The following KIF16B variants were observed in gnomAD, a reference collection of about 807,000 sequenced individuals.
The protein encoded by KIF16B is kinesin-like protein KIF16B.
Under a neutral mutation model 156.3 loss-of-function variants are expected in KIF16B, and 98 were observed. The observed-to-expected ratio is 0.63, with a 90% confidence interval of 0.53 to 0.74. KIF16B has a LOEUF of 0.74. Ranked by LOEUF, KIF16B falls within the 30% of genes least tolerant of loss-of-function variation. The probability of loss-of-function intolerance (pLI) is 0.00; values close to 1 mark genes in which losing one functional copy is unlikely to be tolerated. For missense variants in KIF16B, 1,421 were observed against 1,606.5 expected (o/e 0.88, Z 1.97); for synonymous variants, 564 against 583.7 (o/e 0.97, Z 0.49).
intron 12 of KIF16B, among the ~76,000 whole-genome samples, chr20:16,448,240 G>A (rs1382915713): frequency 6.6e-6 from 1 of 152,184 alleles, no homozygotes; most frequent in East Asian, 1.9e-4. Context: ...AACGGGAAGG[G>A]GCGGAAAGAA....
intron 22 of KIF16B, among the ~76,000 whole-genome samples, chr20:16,370,216 T>C (rs1254417750): frequency 1.3e-5 from 2 of 152,210 alleles, no homozygotes; most frequent in Non-Finnish European, 2.9e-5. Flanking sequence ...ATTTCCTTTA[T>C]ACTACTACCA....
chr20:16,287,262 C>T (rs997921326), intron 25 of KIF16B, among the ~76,000 whole-genome samples: 1 of 152,230 alleles, frequency 6.6e-6, no homozygotes, highest in Non-Finnish European at 1.5e-5. Flanking sequence ...AATTCTACTT[C>T]ATGCCAATCT....
At chr20:16,552,383 C>T (rs1040590038) in intron 1 of KIF16B, among the ~76,000 whole-genome samples, 1 of 152,226 alleles carries the variant, frequency 6.6e-6, no homozygotes, top group African/African-American at 2.4e-5. Context: ...CCAGCATATG[C>T]AATATTAACA....
At chr20:16,350,344 G>A (rs867623174) in intron 23 of KIF16B, among the ~76,000 whole-genome samples, 5 of 152,202 alleles carry the variant, frequency 3.3e-5, no homozygotes, top group Non-Finnish European at 4.4e-5. Context: ...TGGGACACGT[G>A]CTTCTAAGAG....
intron 22 of KIF16B, chr20:16,369,305 G>A (rs1343307397): frequency 2.0e-6 from 2 of 985,186 alleles, no homozygotes; most frequent in Non-Finnish European, 2.4e-6. Context: ...TGGGGATGTG[G>A]TATCTCTTTC....
At chr20:16,490,465 T>C (rs2068255156) in intron 12 of KIF16B, among the ~76,000 whole-genome samples, 1 of 152,058 alleles carries the variant, frequency 6.6e-6, no homozygotes, top group African/African-American at 2.4e-5. Flanking sequence ...CGCTTGAAAC[T>C]GGGAGGTAGA....
intron 2 of KIF16B, among the ~76,000 whole-genome samples, chr20:16,526,896 TTA>T (rs1456871898): frequency 6.6e-6 from 1 of 152,180 alleles, no homozygotes; most frequent in African/African-American, 2.4e-5. Context: ...AAAAAAATTG[TTA>T]TGATTCTTAT....
chr20:16,484,499 G>A (rs910842465), intron 12 of KIF16B, among the ~76,000 whole-genome samples: 1 of 152,198 alleles, frequency 6.6e-6, no homozygotes. Context: ...CAGTTTGACA[G>A]AAATTAGCAG....
intron 24 of KIF16B, among the ~76,000 whole-genome samples, chr20:16,325,317 A>G (rs566952318): frequency 6.6e-6 from 1 of 152,134 alleles, no homozygotes; most frequent in South Asian, 2.1e-4. Flanking sequence ...CAATCAGACA[A>G]GAGAAAGAAA....
chr20:16,533,234 A>G (rs1468043718), intron 1 of KIF16B, among the ~76,000 whole-genome samples: 1 of 152,098 alleles, frequency 6.6e-6, no homozygotes, highest in African/African-American at 2.4e-5. Context: ...TCAGTTTCTC[A>G]AAGAGTTCCA....
chr20:16,566,904 G>T, intron 1 of KIF16B, among the ~76,000 whole-genome samples: 1 of 152,174 alleles, frequency 6.6e-6, no homozygotes, highest in Non-Finnish European at 1.5e-5. Context: ...CCAGCATAGG[G>T]ATCTAGAGAT....
intron 1 of KIF16B, among the ~76,000 whole-genome samples, chr20:16,558,579 T>G (rs1354611128): frequency 6.6e-6 from 1 of 152,236 alleles, no homozygotes; most frequent in Non-Finnish European, 1.5e-5. Flanking sequence ...AAAGATAAAC[T>G]TCTTTGGTAT....
At chr20:16,573,070 C>A (rs1474476538) in intron 1 of KIF16B, among the ~76,000 whole-genome samples, 159 bp downstream of exon 1, 1 of 152,174 alleles carries the variant, frequency 6.6e-6, no homozygotes, top group Non-Finnish European at 1.5e-5. Flanking sequence ...CAGCAGTGCA[C>A]GAAGTCCTCC....
chr20:16,512,961 A>G (rs2147064391), intron 4 of KIF16B, 38 bp from the exon 5 acceptor site: 4 of 1,450,706 alleles, frequency 2.8e-6, no homozygotes, highest in Non-Finnish European at 3.9e-6. Flanking sequence ...TGTCACTCAA[A>G]ATAAAAGCAA....
chr20:16,539,944 G>A (rs1195645585), intron 1 of KIF16B, among the ~76,000 whole-genome samples: 3 of 152,174 alleles, frequency 2.0e-5, no homozygotes, highest in Non-Finnish European at 4.4e-5. Context: ...TATTTACCAT[G>A]AGTTCTGAAA....
At chr20:16,452,329 C>A (rs1280918832) in intron 12 of KIF16B, among the ~76,000 whole-genome samples, 2 of 149,282 alleles carry the variant, frequency 1.3e-5, no homozygotes, top group Non-Finnish European at 3.0e-5. Context: ...CTCATGCTAA[C>A]AGAAAATTCA....
intron 22 of KIF16B, among the ~76,000 whole-genome samples, chr20:16,365,041 G>A (rs1435474720): frequency 1.3e-5 from 2 of 152,058 alleles, no homozygotes; most frequent in Non-Finnish European, 2.9e-5. Flanking sequence ...TCCTGACCAT[G>A]GCATCCCTCT....
chr20:16,309,414 C>T (rs1459754809), intron 25 of KIF16B, among the ~76,000 whole-genome samples: 1 of 152,162 alleles, frequency 6.6e-6, no homozygotes, highest in African/African-American at 2.4e-5. Context: ...AGACACATAA[C>T]CAATGCTCCT....
intron 15 of KIF16B, among the ~76,000 whole-genome samples, chr20:16,424,542 G>A (rs959730559): frequency 6.6e-6 from 1 of 152,082 alleles, no homozygotes; most frequent in African/African-American, 2.4e-5. Flanking sequence ...ATTAAAAACT[G>A]TAATTATAAA....
Sources: allele counts gnomAD v4.1 joint callset (sites outside exome capture counted in the v4.1 genomes callset), GRCh38; gene constraint gnomAD v4.1.1; transcripts MANE v1.5; gene names NCBI Gene and HGNC (gene_info 2026-07-23, HGNC 2026-07-21).